Variants in ST14 observed in about 807,000 individuals in gnomAD.
ST14 encodes ST14 transmembrane serine protease matriptase, also known as suppressor of tumorigenicity 14 protein.
A neutral mutation model predicts 96.5 loss-of-function variants in ST14; 40 were observed. The ratio of observed to expected loss-of-function variants is 0.41; its 90% confidence interval spans 0.32 to 0.54. ST14 has a LOEUF of 0.54. ST14 is among the 20% of genes least tolerant of loss of function. The pLI, the probability that ST14 is intolerant of heterozygous loss-of-function variation, is 0.17. For missense variants in ST14, 1,066 were observed against 1,188.9 expected (o/e 0.90, Z 1.52); for synonymous variants, 506 against 492.1 (o/e 1.03, Z -0.37).
chr11:130,169,741 A>T (rs533166429), intron 1 of ST14, among the ~76,000 whole-genome samples: 44 of 152,366 alleles, frequency 2.9e-4, no homozygotes, highest in Non-Finnish European at 5.0e-4. Context: ...CTACAACTGT[A>T]TGGGAATCTA....
intron 4 of ST14, chr11:130,189,322 G>C: frequency 2.2e-6 from 1 of 445,830 alleles, no homozygotes; most frequent in South Asian, 2.4e-5. Flanking sequence ...TAAAAAAATA[G>C]ACTTTATTCT....
intron 1 of ST14, among the ~76,000 whole-genome samples, chr11:130,161,291 T>A (rs910780466): frequency 4.6e-5 from 7 of 152,336 alleles, no homozygotes; most frequent in Admixed American, 4.6e-4. Context: ...TGCCCTGCTG[T>A]GAGGCAGATT....
intron 1 of ST14, among the ~76,000 whole-genome samples, chr11:130,176,363 A>C (rs1427129591): frequency 2.7e-5 from 4 of 147,420 alleles, no homozygotes; most frequent in African/African-American, 9.9e-5. Flanking sequence ...ACAGGGATTT[A>C]CTTTTCCTTT....
In ST14 at chr11:130,208,681, G is replaced by A. The variant is rs1835321930; in HGVS notation, c.2266G>A (p.Gly756Arg). 6.2e-7 allele frequency: 1 copy of A among 1,612,800 alleles called. No individual in the cohort carries two copies. The highest frequency in any genetic ancestry group is 1.1e-5 in the South Asian group (1 of 91,028). Residue 756 changes from glycine to arginine, a missense_variant, in exon 17 of 19, where the codon GGA (glycine) becomes AGA (arginine). By Grantham distance (125) the Gly-to-Arg change is moderately radical (BLOSUM62 -2). Transcript: ENST00000278742. ...CACGGGCTGGGGACACACCCAGTATGGAGGTAAGCTTCGGGCTGACCTAGG... is the reference window on the plus strand; with the variant it reads ...CACGGGCTGGGGACACACCCAGTATAGAGGTAAGCTTCGGGCTGACCTAGG... Reference protein sequence around the residue: ...WVTGWGHTQYGGTGALILQKG... With the variant: ...WVTGWGHTQYRGTGALILQKG...
At chr11:130,178,891 C>T (rs1953165375) in intron 1 of ST14, among the ~76,000 whole-genome samples, 1 of 152,152 alleles carries the variant, frequency 6.6e-6, no homozygotes, top group African/African-American at 2.4e-5. Flanking sequence ...CTGTGCTCTC[C>T]CAGGAGGAGC....
chr11:130,168,408 G>A (rs545944625), intron 1 of ST14, among the ~76,000 whole-genome samples: 4 of 152,294 alleles, frequency 2.6e-5, no homozygotes, highest in East Asian at 1.9e-4. Context: ...GCCAGAGGAG[G>A]TGCAGACTGA....
intron 1 of ST14, among the ~76,000 whole-genome samples, chr11:130,160,545 C>T (rs951264026): frequency 6.6e-6 from 1 of 152,106 alleles, no homozygotes; most frequent in Admixed American, 6.5e-5. Flanking sequence ...ACTGGGAGGC[C>T]AGGGCTTTGG....
intron 16 of ST14, among the ~76,000 whole-genome samples, chr11:130,203,269 C>G (rs1050319622): frequency 5.3e-5 from 8 of 152,144 alleles, no homozygotes; most frequent in African/African-American, 1.7e-4. Flanking sequence ...TCCCCTCTCC[C>G]CCGTCCCATG....
rs998869162 is a variant in ST14 at position 130,187,267 on chromosome 11, C to T, written c.82-847C>T. Among the ~76,000 whole-genome samples, 12 of 152,330 alleles carry T rather than the reference C, an allele frequency of 7.9e-5. No homozygotes were observed. Among genetic ancestry groups the T allele is most frequent in the East Asian group, 3.9e-4 (2 of 5,180 alleles). On this transcript the variant is annotated intron_variant, in intron 1 of 18. Coordinates refer to ENST00000278742, the MANE Select transcript of ST14 (RefSeq NM_021978.4). The surrounding 1 kb of genome is among the most constrained non-coding windows in gnomAD (Gnocchi z 4.5). ...AGGGCGGGCAGACGGCATGTGCTATCGGCAGAAGCCTTCGCCGGTCCGTCA... is the reference window on the plus strand; with the variant it reads ...AGGGCGGGCAGACGGCATGTGCTATTGGCAGAAGCCTTCGCCGGTCCGTCA...
At chr11:130,172,562 T>C (rs547246022) in intron 1 of ST14, among the ~76,000 whole-genome samples, 2 of 151,866 alleles carry the variant, frequency 1.3e-5, no homozygotes, top group Admixed American at 6.6e-5. Flanking sequence ...GGACTACAGG[T>C]GCCCACCACC....
At chr11:130,172,578 C>T (rs891714637) in intron 1 of ST14, among the ~76,000 whole-genome samples, 2 of 151,958 alleles carry the variant, frequency 1.3e-5, no homozygotes, top group East Asian at 1.9e-4. Flanking sequence ...CCACCATACC[C>T]GGCTAATTTT....
intron 16 of ST14, among the ~76,000 whole-genome samples, chr11:130,207,213 T>C (rs1401165268): frequency 6.6e-6 from 1 of 152,188 alleles, no homozygotes; most frequent in Non-Finnish European, 1.5e-5. Context: ...GACACTAAGT[T>C]CTGGGTGCTG....
intron 1 of ST14, among the ~76,000 whole-genome samples, chr11:130,178,503 G>A (rs1953162366): frequency 7.5e-6 from 1 of 133,494 alleles, no homozygotes; most frequent in Admixed American, 7.0e-5. Flanking sequence ...CTGGGAGTTG[G>A]GACGGGACTT....
chr11:130,185,653 C>T (rs1257066274), intron 1 of ST14, among the ~76,000 whole-genome samples: 1 of 152,150 alleles, frequency 6.6e-6, no homozygotes, highest in Non-Finnish European at 1.5e-5. Context: ...AAGACCCTGT[C>T]TCAAGAAAAC....
At chr11:130,189,446 G>A in intron 4 of ST14, 1 of 521,868 alleles carries the variant, frequency 1.9e-6, no homozygotes, top group Middle Eastern at 5.2e-4. Context: ...GTGACACTCG[G>A]TGTGTCCTCG....
At chr11:130,206,530 G>A (rs1953490890) in intron 16 of ST14, among the ~76,000 whole-genome samples, 1 of 151,634 alleles carries the variant, frequency 6.6e-6, no homozygotes, top group Non-Finnish European at 1.5e-5. Context: ...TTTAGGGGCT[G>A]CTCACTCTTT....
Position 130,208,467 on chromosome 11 carries a change from C to T in ST14, c.2052C>T (p.Arg684=), listed in dbSNP as rs1565630004. The change falls in exon 17 of 19, where the codon CGC becomes CGT. Residue 684 remains arginine (R), a synonymous_variant. Transcript: ENST00000278742. ...AFLGLHDQSQ[R]SAPGVQERRL... ...TGGGCTTGCACGACCAGAGCCAGCG[C>T]AGCGCCCCTGGGGTGCAGGAGCGCA... 6.2e-7 allele frequency: 1 copy of T among 1,614,204 alleles called. No individual in the cohort carries two copies. Among genetic ancestry groups the T allele is most frequent in the Non-Finnish European group, 8.5e-7 (1 of 1,180,040 alleles).
chr11:130,188,191 G>T lies in ST14; in HGVS notation c.159G>T (p.Gly53=). ...NVKKVEKHGP[G]RWVVLAAVLI... Reference sequence around the variant, plus strand: ...AGAAGGTGGAAAAGCATGGCCCGGGGCGCTGGGTGGTGCTGGCAGCCGTGC... The same window carrying T: ...AGAAGGTGGAAAAGCATGGCCCGGGTCGCTGGGTGGTGCTGGCAGCCGTGC... Residue 53 remains glycine (G), a synonymous_variant, in exon 2 of 19, where the codon GGG becomes GGT. Transcript: ENST00000278742. The surrounding 1 kb of genome is among the most constrained non-coding windows in gnomAD (Gnocchi z 5.4). 1 of 1,614,210 alleles carries T rather than the reference G, an allele frequency of 6.2e-7. No homozygotes were observed. The highest frequency in any genetic ancestry group is 8.5e-7 in the Non-Finnish European group (1 of 1,180,042).
rs1278153943 is a variant in ST14, at chr11:130,194,753, C to T, written c.1113+16C>T. 6.8e-6 allele frequency: 11 copies of T among 1,611,904 alleles called. No homozygotes were observed. Among genetic ancestry groups the T allele is most frequent in the Admixed American group, 5.0e-5 (3 of 60,000 alleles). On this transcript the variant is annotated intron_variant, in intron 9 of 18. Coordinates refer to ENST00000278742, the MANE Select transcript of ST14 (RefSeq NM_021978.4). ...GAACATTGAGGTAGGAGCTATGGGG[C>T]GTGTGAACGTGTGTGTGTGTGAGCA...
Sources: allele counts gnomAD v4.1 joint callset (sites outside exome capture counted in the v4.1 genomes callset), GRCh38; gene constraint gnomAD v4.1.1; non-coding constraint Gnocchi (gnomAD v3.1); transcripts MANE v1.5; gene names NCBI Gene and HGNC (gene_info 2026-07-23, HGNC 2026-07-21).